Variants in PCDH9 observed in about 807,000 individuals in gnomAD.
PCDH9 encodes the protein protocadherin-9.
In PCDH9, 24 loss-of-function variants were observed where a neutral mutation model predicts 70.6. That is an observed-to-expected ratio of 0.34 (90% CI 0.25 to 0.48). The LOEUF is 0.48. PCDH9 is among the 20% of genes least tolerant of loss of function. The probability of loss-of-function intolerance (pLI) is 0.99; values close to 1 mark genes in which losing one functional copy is unlikely to be tolerated. For missense variants in PCDH9, 1,281 were observed against 1,503.6 expected (o/e 0.85, Z 2.45); for synonymous variants, 562 against 558.5 (o/e 1.01, Z -0.09).
chr13:67,173,935 G>A (rs1211327068), intron 2 of PCDH9, among the ~76,000 whole-genome samples: 4 of 152,066 alleles, frequency 2.6e-5, no homozygotes, highest in Admixed American at 2.0e-4. Context: ...TTAGGGACAG[G>A]TTTTGCTTCT....
At chr13:66,805,129 T>C (rs182956540) in intron 3 of PCDH9, among the ~76,000 whole-genome samples, 9 of 152,306 alleles carry the variant, frequency 5.9e-5, no homozygotes, top group Admixed American at 2.0e-4. Context: ...GACTTTCAAA[T>C]GCTTCATTCC....
intron 2 of PCDH9, among the ~76,000 whole-genome samples, chr13:67,107,896 C>T (rs970149747): frequency 1.3e-5 from 2 of 152,276 alleles, no homozygotes; most frequent in Middle Eastern, 3.4e-3. Context: ...TTCTGCGGTT[C>T]CTGGTGTCTC....
intron 4 of PCDH9, among the ~76,000 whole-genome samples, chr13:66,325,995 G>C (rs1321868823): frequency 6.6e-6 from 1 of 152,004 alleles, no homozygotes; most frequent in Admixed American, 6.6e-5. Flanking sequence ...ATATGTCTCA[G>C]GTACATTATT....
chr13:66,866,683 G>C (rs7337106), intron 3 of PCDH9, among the ~76,000 whole-genome samples: 2,019 of 152,006 alleles, frequency 0.013, 48 homozygotes, highest in African/African-American at 0.047. Context: ...TATAGTCCCA[G>C]CTACTCAGGA....
At chr13:66,646,929 T>C (rs866374815) in intron 3 of PCDH9, among the ~76,000 whole-genome samples, 2 of 152,204 alleles carry the variant, frequency 1.3e-5, no homozygotes, top group South Asian at 4.1e-4. Context: ...AGACTTTGCA[T>C]TGGAACTCGG....
At chr13:66,757,325 A>G (rs185082914) in intron 3 of PCDH9, among the ~76,000 whole-genome samples, 10 of 152,318 alleles carry the variant, frequency 6.6e-5, no homozygotes, top group Non-Finnish European at 1.2e-4. Flanking sequence ...TACTTTATGA[A>G]ATAAATTTCT....
chr13:66,596,568 C>G (rs746778740), intron 4 of PCDH9, among the ~76,000 whole-genome samples: 2 of 151,430 alleles, frequency 1.3e-5, no homozygotes, highest in Non-Finnish European at 3.0e-5. Flanking sequence ...TGAAATCTTT[C>G]TTTTTAAAAT....
intron 3 of PCDH9, among the ~76,000 whole-genome samples, chr13:66,648,732 A>G (rs1404706134): frequency 6.6e-6 from 1 of 152,102 alleles, no homozygotes; most frequent in Non-Finnish European, 1.5e-5. Context: ...AAAACTAAAA[A>G]AGGCATCAAG....
chr13:67,058,628 G>C (rs1388756854), intron 2 of PCDH9, among the ~76,000 whole-genome samples: 1 of 152,042 alleles, frequency 6.6e-6, no homozygotes, highest in African/African-American at 2.4e-5. Context: ...GAAGATGGTG[G>C]GTAATCTTAA....
intron 2 of PCDH9, among the ~76,000 whole-genome samples, chr13:66,975,405 G>T (rs978750760): frequency 2.0e-4 from 31 of 151,948 alleles, no homozygotes; most frequent in African/African-American, 7.3e-4. Flanking sequence ...GTCATAAATG[G>T]CTTATGCTTA....
At chr13:66,331,655 T>C (rs1277395705) in intron 4 of PCDH9, among the ~76,000 whole-genome samples, 1 of 152,208 alleles carries the variant, frequency 6.6e-6, no homozygotes, top group African/African-American at 2.4e-5. Context: ...AAATCTTTAT[T>C]GATCCTCTGG....
intron 3 of PCDH9, among the ~76,000 whole-genome samples, chr13:66,856,500 T>C (rs955157994): frequency 6.6e-6 from 1 of 152,108 alleles, no homozygotes; most frequent in Non-Finnish European, 1.5e-5. Context: ...TTTAAAAACC[T>C]GTAGCAACAA....
chr13:66,950,330 G>A (rs1481918336), intron 2 of PCDH9, among the ~76,000 whole-genome samples: 8 of 152,050 alleles, frequency 5.3e-5, no homozygotes, highest in Non-Finnish European at 8.8e-5. Flanking sequence ...GAGATTTACA[G>A]ATGTGAAGCT....
intron 2 of PCDH9, among the ~76,000 whole-genome samples, chr13:67,037,892 G>A (rs1440027740): frequency 6.6e-6 from 1 of 152,100 alleles, no homozygotes; most frequent in Admixed American, 6.6e-5. Context: ...AAATGTGGAG[G>A]AGTCATTTAT....
intron 3 of PCDH9, among the ~76,000 whole-genome samples, chr13:66,838,829 C>T (rs1026386748): frequency 6.6e-6 from 1 of 151,864 alleles, no homozygotes; most frequent in Admixed American, 6.6e-5. Flanking sequence ...ATGTATGATG[C>T]ACTAATCTCT....
At chr13:66,581,567 A>G (rs1448033647) in intron 4 of PCDH9, among the ~76,000 whole-genome samples, 1 of 152,194 alleles carries the variant, frequency 6.6e-6, no homozygotes, top group Admixed American at 6.6e-5. Context: ...AATGCAGACA[A>G]AAGATGGGTA....
intron 4 of PCDH9, among the ~76,000 whole-genome samples, chr13:66,601,815 T>C (rs926414470): frequency 6.9e-6 from 1 of 145,892 alleles, no homozygotes. Context: ...AATAATGTCA[T>C]GTAAGGCATT....
intron 2 of PCDH9, among the ~76,000 whole-genome samples, chr13:66,968,676 C>T: frequency 6.6e-6 from 1 of 152,092 alleles, no homozygotes; most frequent in South Asian, 2.1e-4. Context: ...TAAGCATAAC[C>T]TATCATACAT....
intron 2 of PCDH9, among the ~76,000 whole-genome samples, chr13:67,124,272 A>G (rs147542907): frequency 1.5e-3 from 233 of 152,318 alleles, no homozygotes; most frequent in African/African-American, 5.4e-3. Flanking sequence ...AAAAATAAAT[A>G]AAAAGATGAA....
Sources: allele counts gnomAD v4.1 joint callset (sites outside exome capture counted in the v4.1 genomes callset), GRCh38; gene constraint gnomAD v4.1.1; transcripts MANE v1.5; gene names NCBI Gene and HGNC (gene_info 2026-07-23, HGNC 2026-07-21).